SLC18A1: variants seen among roughly 807,000 people sequenced by gnomAD.
The protein encoded by SLC18A1 is solute carrier family 18 member A1, also known as chromaffin granule amine transporter.
Under a neutral mutation model 53.7 loss-of-function variants are expected in SLC18A1, and 69 were observed. That is an observed-to-expected ratio of 1.28 (90% CI 1.06 to 1.57). The LOEUF is 1.57. Ranked by LOEUF, SLC18A1 falls within the 40% of genes most tolerant of loss-of-function variation. SLC18A1 has a pLI of 0.00. For synonymous variants in SLC18A1, 320 were observed against 248.1 expected, an observed-to-expected ratio of 1.29 and a Z score of -2.72; for missense variants, 932 against 668.1, an observed-to-expected ratio of 1.40 and a Z score of -4.35.
At chr8:20,160,180 G>A (rs1234747469) in intron 10 of SLC18A1, among the ~76,000 whole-genome samples, 2 of 150,690 alleles carry the variant, frequency 1.3e-5, no homozygotes, top group African/African-American at 4.9e-5. Context: ...TGGACAGGTG[G>A]CAATCTGTTG....
At chr8:20,148,431 G>A in intron 12 of SLC18A1, 1 of 1,287,646 alleles carries the variant, frequency 7.8e-7, no homozygotes, top group Non-Finnish European at 1.0e-6. Context: ...ATACACTCCT[G>A]GTCTCATTCT....
chr8:20,157,649 C>A lies in SLC18A1; in HGVS notation c.1016-6905G>T, dbSNP rs529951256. ...CTGACTCTATTGAAGGCCAACTAAT[C>A]TTAAAAGATAAGTTTATCACTCAGT... On this transcript the variant is annotated intron_variant, in intron 10 of 15. Transcript: ENST00000276373. Among the ~76,000 whole-genome samples, 38 of 152,276 alleles carry A rather than the reference C, an allele frequency of 2.5e-4. 1 individual carries two copies. The South Asian group carries it at 6.0e-3, about 24-fold the overall frequency.
chr8:20,176,403 C>T (rs1400991085), intron 4 of SLC18A1, among the ~76,000 whole-genome samples: 1 of 152,200 alleles, frequency 6.6e-6, no homozygotes, highest in African/African-American at 2.4e-5. Flanking sequence ...CATGAGCCAA[C>T]AAACCTCTTT....
chr8:20,159,554 A>G (rs1274169651), intron 10 of SLC18A1, among the ~76,000 whole-genome samples: 1 of 147,336 alleles, frequency 6.8e-6, no homozygotes, highest in African/African-American at 2.5e-5. Flanking sequence ...CAGGCATTCC[A>G]GCCAGCAGTG....
At chr8:20,164,787 C>A in intron 10 of SLC18A1, 82 bp downstream of exon 10, 1 of 1,025,772 alleles carries the variant, frequency 9.7e-7, no homozygotes, top group Non-Finnish European at 1.5e-6. Context: ...AGCATGTTGT[C>A]CCTGTGTGAC....
At chr8:20,160,064 A>G (rs1280079525) in intron 10 of SLC18A1, among the ~76,000 whole-genome samples, 1 of 152,072 alleles carries the variant, frequency 6.6e-6, no homozygotes, top group Non-Finnish European at 1.5e-5. Flanking sequence ...CAATTAAATT[A>G]AAAGTCAACA....
In SLC18A1 at chr8:20,179,387, G is replaced by A. The variant is rs748623190; in HGVS notation, c.222C>T (p.Ala74=). Residue 74 remains alanine (A), a synonymous_variant, in exon 3 of 16, where the codon GCC becomes GCT. Transcript: ENST00000276373. ...GHAGSSPHAL[A]SPAFSTIFSF... Reference sequence around the variant, plus strand: ...AGAAGATGGTGGAAAAGGCAGGAGAGGCGAGGGCATGTGGGGAACTTCCGG... The same window carrying A: ...AGAAGATGGTGGAAAAGGCAGGAGAAGCGAGGGCATGTGGGGAACTTCCGG... 1.2e-6 allele frequency: 2 copies of A among 1,614,186 alleles called. No individual in the cohort carries two copies. The highest frequency in any genetic ancestry group is 1.3e-5 in the African/African-American group (1 of 75,062).
At position 20,149,691 on chromosome 8, in the gene SLC18A1, A is replaced by G. The variant is rs527546526; in HGVS notation, c.1131T>C (p.Gly377=). ...TTATACTTACACAGAGCAAGCTGGT[A>G]CCTACTACCAGCATCCCGATTAGGG... The part of the protein sequence containing the change: ...LCSLIGMLVV[G]TSLLCVPLAH... Residue 377 remains glycine (G), a synonymous_variant, in exon 12 of 16, where the codon GGT becomes GGC. Coordinates refer to ENST00000276373, the MANE Select transcript of SLC18A1 (RefSeq NM_003053.4). 4.8e-5 allele frequency: 78 copies of G among 1,612,454 alleles called. No individual in the cohort carries two copies. In the South Asian group the frequency reaches 6.8e-4, roughly 14 times the overall value.
intron 4 of SLC18A1, 65 bp downstream of exon 4, chr8:20,178,370 C>A: frequency 7.7e-7 from 1 of 1,303,958 alleles, no homozygotes; most frequent in South Asian, 1.3e-5. Context: ...CTATCTACAC[C>A]GCATTCACTT....
intron 8 of SLC18A1, among the ~76,000 whole-genome samples, chr8:20,169,549 A>G (rs1357643939): frequency 1.3e-5 from 2 of 152,210 alleles, no homozygotes; most frequent in African/African-American, 4.8e-5. Flanking sequence ...GGCTCAAAAC[A>G]TTAGTAATAA....
chr8:20,174,158 C>T (rs2072197345), intron 5 of SLC18A1, among the ~76,000 whole-genome samples: 1 of 152,254 alleles, frequency 6.6e-6, no homozygotes, highest in South Asian at 2.1e-4. Flanking sequence ...AGCTATCCTC[C>T]TGCCTTGGCT....
chr8:20,151,543 A>G (rs1459974138), intron 10 of SLC18A1, among the ~76,000 whole-genome samples: 1 of 152,162 alleles, frequency 6.6e-6, no homozygotes, highest in East Asian at 1.9e-4. Context: ...CTTGGTTTCC[A>G]CATCTGGAAA....
rs778173619 is a variant in SLC18A1, at chr8:20,164,937, A to AC, written c.946dup (p.Val316GlyfsTer119). 3.1e-6 allele frequency: 5 copies of AC among 1,613,544 alleles called. No homozygotes were observed. The highest frequency in any genetic ancestry group is 3.4e-6 in the Non-Finnish European group (4 of 1,179,800). On this transcript the variant is annotated frameshift_variant, in exon 10 of 16. Transcript: ENST00000276373. LOFTEE classifies it high-confidence loss of function. ...GGGCAGTGTGGGCTCCAGGATGGCC[A>AC]CCCCCATGTTGGCAAAGCAGATGGA...
Position 20,145,706 on chromosome 8 carries a change from T to A in SLC18A1, c.*57A>T, listed in dbSNP as rs1382453430. 7 of 1,135,600 alleles carry A rather than the reference T, an allele frequency of 6.2e-6. No homozygotes were observed. The highest frequency in any genetic ancestry group is 6.5e-6 in the Non-Finnish European group (5 of 770,958). 70.3% of individuals were successfully genotyped at this position (1,135,600 alleles called of 1,614,324 possible). On this transcript the variant is annotated 3_prime_UTR_variant, in exon 16 of 16. Transcript: ENST00000276373. The stretch of plus-strand genomic sequence containing the variant: ...CGTGGGCTCAGCCATGGTGATCTGG[T>A]CCCAGGGAAAGAGGTGGTCACTGAG...
chr8:20,173,177 C>A, intron 5 of SLC18A1, 49 bp from the exon 6 acceptor site: 3 of 1,399,760 alleles, frequency 2.1e-6, no homozygotes, highest in Non-Finnish European at 3.0e-6. Flanking sequence ...GGCTTCTATC[C>A]GCCTCTCAGA....
In SLC18A1 at chr8:20,164,946, T is replaced by C. The variant is rs762945141; in HGVS notation, c.938A>G (p.Asn313Ser). Reference sequence around the variant, plus strand: ...GGGCTCCAGGATGGCCACCCCCATGTTGGCAAAGCAGATGGACCCTGGGGA... The same window carrying C: ...GGGCTCCAGGATGGCCACCCCCATGCTGGCAAAGCAGATGGACCCTGGGGA... ...LVAAGSICFA[N>S]MGVAILEPTL... The change falls in exon 10 of 16, where the codon AAC (asparagine) becomes AGC (serine). Residue 313 changes from asparagine (N) to serine (S), a missense_variant. By Grantham distance (46) the Asn-to-Ser change is conservative (BLOSUM62 1). Coordinates refer to ENST00000276373, the MANE Select transcript of SLC18A1 (RefSeq NM_003053.4). The C allele has an allele frequency of 6.2e-7, 1 of 1,613,886 alleles. No individual in the cohort carries two copies. The highest frequency in any genetic ancestry group is 8.5e-7 in the Non-Finnish European group (1 of 1,179,842).
At chr8:20,178,309 A>C (rs1213162891) in intron 4 of SLC18A1, 126 bp downstream of exon 4, 3 of 707,514 alleles carry the variant, frequency 4.2e-6, no homozygotes, top group Non-Finnish European at 7.1e-6. Flanking sequence ...CATTTAAACC[A>C]ATATTCCAGT....
At chr8:20,171,554 T>C in intron 6 of SLC18A1, 60 bp from the exon 7 acceptor site, 1 of 1,318,660 alleles carries the variant, frequency 7.6e-7, no homozygotes, top group Non-Finnish European at 1.1e-6. Flanking sequence ...GCAGTGAGAA[T>C]TATCCATATT....
intron 4 of SLC18A1, among the ~76,000 whole-genome samples, chr8:20,177,047 A>G (rs1438415284): frequency 6.6e-6 from 1 of 152,238 alleles, no homozygotes; most frequent in Non-Finnish European, 1.5e-5. Flanking sequence ...CATGCACTGC[A>G]TAAAGTTGTT....
Sources: allele counts gnomAD v4.1 joint callset (sites outside exome capture counted in the v4.1 genomes callset), GRCh38; gene constraint gnomAD v4.1.1; transcripts MANE v1.5; gene names NCBI Gene and HGNC (gene_info 2026-07-23, HGNC 2026-07-21).